Variants in LDLRAD3 observed in about 807,000 individuals in gnomAD.
LDLRAD3 encodes the protein low density lipoprotein receptor class A domain containing 3.
Under a neutral mutation model 29.4 loss-of-function variants are expected in LDLRAD3, and 20 were observed. That is an observed-to-expected ratio of 0.68 (90% CI 0.48 to 0.99). The LOEUF is 0.99. Ranked by LOEUF, LDLRAD3 falls within the 50% of genes least tolerant of loss-of-function variation. The pLI, the probability that LDLRAD3 is intolerant of heterozygous loss-of-function variation, is 0.00. For missense variants in LDLRAD3, 420 were observed against 454.3 expected (o/e 0.92, Z 0.69); for synonymous variants, 157 against 192.7 (o/e 0.81, Z 1.53).
intron 1 of LDLRAD3, among the ~76,000 whole-genome samples, chr11:35,964,204 AATT>A (rs1851311482): frequency 6.6e-6 from 1 of 152,156 alleles, no homozygotes; most frequent in African/African-American, 2.4e-5. Flanking sequence ...CCATGTTCCC[AATT>A]ATTTGGTGCT....
intron 5 of LDLRAD3, 28 bp from the exon 6 acceptor site, chr11:36,229,132 C>A: frequency 6.7e-7 from 1 of 1,485,540 alleles, no homozygotes; most frequent in Non-Finnish European, 9.4e-7. Flanking sequence ...TCTCCATTGC[C>A]CCTGCCCCCC....
intron 4 of LDLRAD3, among the ~76,000 whole-genome samples, chr11:36,119,143 GAT>G (rs1234571065): frequency 1.3e-5 from 2 of 152,104 alleles, no homozygotes; most frequent in African/African-American, 4.8e-5. Context: ...TAATTTTCTT[GAT>G]ATCCACCACA....
chr11:36,145,505 T>A (rs1854176909), intron 4 of LDLRAD3, among the ~76,000 whole-genome samples: 1 of 150,018 alleles, frequency 6.7e-6, no homozygotes. Context: ...CTGGGAGGTG[T>A]ACTCAACAGC....
At chr11:36,161,195 G>A (rs968335093) in intron 4 of LDLRAD3, among the ~76,000 whole-genome samples, 1 of 152,160 alleles carries the variant, frequency 6.6e-6, no homozygotes, top group Non-Finnish European at 1.5e-5. Context: ...GCAGAGAGGG[G>A]AAGATACTCC....
intron 2 of LDLRAD3, among the ~76,000 whole-genome samples, chr11:36,045,699 A>G (rs1852439475): frequency 6.7e-6 from 1 of 150,042 alleles, no homozygotes; most frequent in Non-Finnish European, 1.5e-5. Flanking sequence ...ATGATAGTGA[A>G]TAAGTCTCAC....
chr11:35,945,030 C>T (rs1333127933), intron 1 of LDLRAD3, among the ~76,000 whole-genome samples: 2 of 152,224 alleles, frequency 1.3e-5, no homozygotes, highest in East Asian at 1.9e-4. Context: ...CCACAGCTGT[C>T]AGCTGTCCCT....
chr11:36,023,867 T>C (rs529775557), intron 1 of LDLRAD3, among the ~76,000 whole-genome samples: 1 of 152,326 alleles, frequency 6.6e-6, no homozygotes, highest in East Asian at 1.9e-4. Flanking sequence ...GGTTCGTTCA[T>C]GTGTATAGTT....
At chr11:35,973,181 A>G (rs1851436833) in intron 1 of LDLRAD3, among the ~76,000 whole-genome samples, 1 of 147,632 alleles carries the variant, frequency 6.8e-6, no homozygotes, top group Admixed American at 6.8e-5. Context: ...GTTTTTTTTG[A>G]TTATTGTTGT....
intron 4 of LDLRAD3, among the ~76,000 whole-genome samples, chr11:36,103,534 T>A (rs1853482871): frequency 6.6e-6 from 1 of 152,186 alleles, no homozygotes; most frequent in South Asian, 2.1e-4. Flanking sequence ...CCACCGTGCC[T>A]GGCCCAGTAT....
chr11:36,229,315 A>T lies in LDLRAD3; in HGVS notation c.956A>T (p.His319Leu). 6.2e-7 allele frequency: 1 copy of T among 1,614,108 alleles called. No individual in the cohort carries two copies. Residue 319 changes from histidine to leucine, a missense_variant, in exon 6 of 6, where the codon CAC becomes CTC. By Grantham distance (99) the His-to-Leu change is moderately conservative (BLOSUM62 -3). Transcript: ENST00000315571. ...SSLLSVEDTS[H>L]SPGQPGPQEG... ...CTCCTGAGCGTGGAAGACACCAGCC[A>T]CAGCCCGGGGCAGCCTGGCCCCCAG...
At chr11:36,170,322 G>GTATA (rs1402432220) in intron 4 of LDLRAD3, among the ~76,000 whole-genome samples, 1 of 145,126 alleles carries the variant, frequency 6.9e-6, no homozygotes, top group African/African-American at 2.5e-5. Context: ...ACGTATATAT[G>GTATA]TATATATGTA....
chr11:36,075,799 T>C (rs1246936377), intron 2 of LDLRAD3, among the ~76,000 whole-genome samples: 1 of 152,234 alleles, frequency 6.6e-6, no homozygotes, highest in African/African-American at 2.4e-5. Flanking sequence ...CCTTATTTTG[T>C]TGGCCTCAGA....
rs559747150 is a variant in LDLRAD3 at position 36,123,069 on chromosome 11, C to A, written c.454+24608C>A. On this transcript the variant is annotated intron_variant, in intron 4 of 5. Transcript: ENST00000315571. ...AGACATGATGGCACATGCCTGTAGTCCCGACTGCTTGGGAGGTTGAGGTGG... is the reference window on the plus strand; with the variant it reads ...AGACATGATGGCACATGCCTGTAGTACCGACTGCTTGGGAGGTTGAGGTGG... Among the ~76,000 whole-genome samples the A allele has an allele frequency of 1.1e-4, 17 of 152,074 alleles. No individual in the cohort carries two copies. The South Asian group carries it at 3.5e-3, about 32-fold the overall frequency.
At chr11:36,096,962 G>A (rs1853370068) in intron 3 of LDLRAD3, among the ~76,000 whole-genome samples, 1 of 152,234 alleles carries the variant, frequency 6.6e-6, no homozygotes, top group Admixed American at 6.5e-5. Flanking sequence ...TGAAAACAGA[G>A]CCCTGGAATG....
chr11:36,051,400 G>A (rs1268537860), intron 2 of LDLRAD3, among the ~76,000 whole-genome samples: 3 of 152,194 alleles, frequency 2.0e-5, no homozygotes, highest in Non-Finnish European at 4.4e-5. Context: ...ACCTAGCTGT[G>A]TGATCCTGGG....
At chr11:36,052,312 G>A (rs754713294) in intron 2 of LDLRAD3, among the ~76,000 whole-genome samples, 19 of 152,164 alleles carry the variant, frequency 1.2e-4, no homozygotes, top group South Asian at 2.1e-4. Flanking sequence ...TCTTTCATGC[G>A]TATTATCTCC....
intron 4 of LDLRAD3, among the ~76,000 whole-genome samples, chr11:36,173,233 A>G (rs541619833): frequency 3.3e-5 from 5 of 151,948 alleles, no homozygotes; most frequent in Non-Finnish European, 7.4e-5. Context: ...CATGTGCACA[A>G]TGTGCAGGTT....
Position 36,229,490 on chromosome 11 carries a change from G to A in LDLRAD3, c.*93G>A. The A allele has an allele frequency of 1.1e-6, 1 of 872,100 alleles. No homozygotes were observed. The highest frequency in any genetic ancestry group is 2.1e-5 in the Admixed American group (1 of 47,244). The allele number at this position is 872,100 out of a possible 1,614,324, so 54.0% of individuals were successfully genotyped here. A position where few individuals can be genotyped will look rare whatever the true frequency, so the allele number is the denominator to read the frequency against. On this transcript the variant is annotated 3_prime_UTR_variant, in exon 6 of 6. Coordinates refer to ENST00000315571, the MANE Select transcript of LDLRAD3 (RefSeq NM_174902.4). ...CTCATGGGAAGCTCTTTAAGCACCT[G>A]TAAGGGTGTCTCAAGTTACAGTTTG... is the stretch of plus-strand genomic sequence containing the variant.
chr11:36,099,140 CCTT>C (rs1220135250), intron 4 of LDLRAD3, among the ~76,000 whole-genome samples: 1 of 152,100 alleles, frequency 6.6e-6, no homozygotes, highest in East Asian at 1.9e-4. Context: ...TGAATTGCCT[CCTT>C]GTGTCTGGGC....
Sources: allele counts gnomAD v4.1 joint callset (sites outside exome capture counted in the v4.1 genomes callset), GRCh38; gene constraint gnomAD v4.1.1; transcripts MANE v1.5; gene names NCBI Gene and HGNC (gene_info 2026-07-23, HGNC 2026-07-21).